C3orf20: variants seen among roughly 807,000 people sequenced by gnomAD.
C3orf20 encodes uncharacterized protein C3orf20.
C3orf20 carries 76 observed loss-of-function variants against 88.3 expected under a neutral mutation model. That is an observed-to-expected ratio of 0.86 (90% confidence interval 0.72 to 1.04). C3orf20 has a LOEUF of 1.04. C3orf20 is among the 50% of genes least tolerant of loss of function. C3orf20 has a pLI of 0.00. For missense variants in C3orf20, 1,056 were observed against 1,123.3 expected (o/e 0.94, Z 0.86); for synonymous variants, 436 against 437.4 (o/e 1.00, Z 0.04).
chr3:14,759,139 G>A (rs2035481196), intron 13 of C3orf20, among the ~76,000 whole-genome samples: 3 of 152,200 alleles, frequency 2.0e-5, no homozygotes, highest in African/African-American at 7.2e-5. Context: ...CTGGAGGACA[G>A]ACTTGGAAGC....
rs1185860754 is a variant in C3orf20, at chr3:14,721,795, G to T, written c.1566+11G>T. On this transcript the variant is annotated intron_variant, in intron 10 of 16. Transcript: ENST00000253697. The stretch of plus-strand genomic sequence containing the variant: ...GCATATGACAAACGGGTAAGGCAAG[G>T]CAGACTATGCACCCAGCCCTGACCC... 1.2e-6 allele frequency: 2 copies of T among 1,613,998 alleles called. No homozygotes were observed. The highest frequency in any genetic ancestry group is 3.3e-5 in the Admixed American group (2 of 60,008).
chr3:14,718,602 T>C (rs1026566633), intron 9 of C3orf20, among the ~76,000 whole-genome samples: 1 of 152,238 alleles, frequency 6.6e-6, no homozygotes, highest in African/African-American at 2.4e-5. Context: ...TCTTCACATA[T>C]TGAATAATTT....
chr3:14,732,209 A>G lies in C3orf20; in HGVS notation c.1940+3521A>G, dbSNP rs146270452. ...TCTGATAGACATGTGGTAATATCCC[A>G]TTATCGTTTTAATTTGCATTTCCCT... On this transcript the variant is annotated intron_variant, in intron 12 of 16. Coordinates refer to ENST00000253697, the MANE Select transcript of C3orf20 (RefSeq NM_032137.5). 2.4e-3 allele frequency among the ~76,000 whole-genome samples: 368 copies of G among 152,334 alleles called. 2 individuals are homozygous for G. Among genetic ancestry groups the G allele is most frequent in the African/African-American group, 8.5e-3 (354 of 41,582 alleles).
intron 5 of C3orf20, among the ~76,000 whole-genome samples, chr3:14,692,364 A>G (rs1056463963): frequency 2.0e-5 from 3 of 152,200 alleles, no homozygotes; most frequent in Non-Finnish European, 2.9e-5. Flanking sequence ...ATTCCCACCA[A>G]CAGTTAGGAG....
At chr3:14,743,684 T>C (rs13070276) in intron 12 of C3orf20, among the ~76,000 whole-genome samples, 43,687 of 151,944 alleles carry the variant, frequency 0.29, 7,495 homozygotes, top group African/African-American at 0.45. Context: ...GGCGTTTCCA[T>C]ACATCTGAAA....
intron 5 of C3orf20, among the ~76,000 whole-genome samples, chr3:14,696,583 G>A (rs1205084676): frequency 1.3e-5 from 2 of 151,766 alleles, no homozygotes; most frequent in African/African-American, 4.8e-5. Flanking sequence ...TAGAGATGTT[G>A]GCTAGGCTGA....
chr3:14,702,383 A>G (rs1251377705), intron 5 of C3orf20, among the ~76,000 whole-genome samples: 1 of 151,708 alleles, frequency 6.6e-6, no homozygotes, highest in African/African-American at 2.4e-5. Flanking sequence ...GGGTAGGGAC[A>G]CAGCCAAACC....
chr3:14,734,695 G>C (rs2034648998), intron 12 of C3orf20, among the ~76,000 whole-genome samples: 1 of 151,952 alleles, frequency 6.6e-6, no homozygotes, highest in South Asian at 2.1e-4. Flanking sequence ...TAAATGTCAG[G>C]TCAAATTTAT....
At chr3:14,717,744 G>C (rs925248689) in intron 9 of C3orf20, among the ~76,000 whole-genome samples, 1 of 152,020 alleles carries the variant, frequency 6.6e-6, no homozygotes, top group Non-Finnish European at 1.5e-5. Context: ...TGGCTTTCTT[G>C]AAGTGCATAT....
intron 3 of C3orf20, among the ~76,000 whole-genome samples, chr3:14,683,778 A>C (rs147482078): frequency 6.6e-6 from 1 of 151,186 alleles, no homozygotes; most frequent in Non-Finnish European, 1.5e-5. Context: ...CAGAAGGCCA[A>C]GGCAGGAGAA....
intron 12 of C3orf20, among the ~76,000 whole-genome samples, chr3:14,756,161 C>T (rs1013858712): frequency 2.0e-5 from 3 of 150,304 alleles, no homozygotes; most frequent in Admixed American, 6.6e-5. Context: ...GCTAAACATG[C>T]TACTGCCTTT....
chr3:14,726,556 A>T (rs1023870290), intron 10 of C3orf20, among the ~76,000 whole-genome samples: 1 of 152,250 alleles, frequency 6.6e-6, no homozygotes, highest in Non-Finnish European at 1.5e-5. Flanking sequence ...CCTTCCCTCC[A>T]GAAGCTTGCA....
intron 3 of C3orf20, among the ~76,000 whole-genome samples, chr3:14,683,604 G>A (rs1456903466): frequency 2.0e-5 from 3 of 152,060 alleles, no homozygotes; most frequent in South Asian, 2.1e-4. Context: ...CAGGCCAGGC[G>A]CGGTGGCTCA....
At chr3:14,759,521 CT>C (rs1329586958) in intron 13 of C3orf20, among the ~76,000 whole-genome samples, 1 of 152,168 alleles carries the variant, frequency 6.6e-6, no homozygotes, top group Non-Finnish European at 1.5e-5. Flanking sequence ...ACTCAAAAGC[CT>C]GGAAACGGGT....
At chr3:14,746,858 A>G (rs1461300786) in intron 12 of C3orf20, among the ~76,000 whole-genome samples, 1 of 152,246 alleles carries the variant, frequency 6.6e-6, no homozygotes, top group African/African-American at 2.4e-5. Context: ...CAAATATTAG[A>G]CAGACAACAA....
At chr3:14,734,604 C>T (rs1412719368) in intron 12 of C3orf20, among the ~76,000 whole-genome samples, 1 of 152,072 alleles carries the variant, frequency 6.6e-6, no homozygotes, top group African/African-American at 2.4e-5. Flanking sequence ...TTTTATGGCC[C>T]AGCACATAGT....
At chr3:14,735,523 G>A (rs1012259511) in intron 12 of C3orf20, among the ~76,000 whole-genome samples, 2 of 151,628 alleles carry the variant, frequency 1.3e-5, no homozygotes, top group African/African-American at 4.8e-5. Flanking sequence ...TTTACCGCTT[G>A]TTTTGCACTA....
chr3:14,719,802 T>C (rs2034081966), intron 9 of C3orf20, among the ~76,000 whole-genome samples: 2 of 152,192 alleles, frequency 1.3e-5, no homozygotes, highest in African/African-American at 4.8e-5. Context: ...TTTCATGGGA[T>C]AAAACTTTTT....
intron 12 of C3orf20, among the ~76,000 whole-genome samples, chr3:14,738,356 T>C (rs1430558260): frequency 2.0e-5 from 3 of 149,196 alleles, no homozygotes; most frequent in Admixed American, 6.7e-5. Flanking sequence ...TTAGATGGAG[T>C]CTTGCTCTGT....
Sources: allele counts gnomAD v4.1 joint callset (sites outside exome capture counted in the v4.1 genomes callset), GRCh38; gene constraint gnomAD v4.1.1; transcripts MANE v1.5; gene names NCBI Gene and HGNC (gene_info 2026-07-23, HGNC 2026-07-21).